The following TJP1 variants were observed in gnomAD, a reference collection of about 807,000 sequenced individuals.
The protein encoded by TJP1 is tight junction protein ZO-1.
A neutral mutation model predicts 194.2 loss-of-function variants in TJP1; 43 were observed. The ratio of observed to expected loss-of-function variants is 0.22; its 90% confidence interval spans 0.17 to 0.29. The LOEUF is 0.29. Ranked by LOEUF, TJP1 falls within the 10% of genes least tolerant of loss-of-function variation. The pLI is 1.00. For synonymous variants in TJP1, 801 were observed against 779.0 expected (o/e 1.03, Z -0.47); for missense variants, 1,971 against 2,185.7 (o/e 0.90, Z 1.96).
rs528091197 is a variant in TJP1 at position 29,732,980 on chromosome 15, C to T, written c.1736+114G>A. 3.5e-4 allele frequency: 457 copies of T among 1,288,358 alleles called. 5 individuals are homozygous for T. The South Asian group carries it at 6.4e-3, about 18-fold the overall frequency. The allele number at this position is 1,288,358 out of a possible 1,614,324, so 79.8% of individuals were successfully genotyped here. Reference sequence around the variant, plus strand: ...TGTAAACCTAAGTCAGTTATAGATACGTTGAATACAATGAAAAAGAATTCT... The same window carrying T: ...TGTAAACCTAAGTCAGTTATAGATATGTTGAATACAATGAAAAAGAATTCT... On this transcript the variant is annotated intron_variant, in intron 13 of 27. Transcript: ENST00000614355.
At chr15:29,928,505 A>T (rs183579513) in intron 2 of TJP1, among the ~76,000 whole-genome samples, 1 of 152,218 alleles carries the variant, frequency 6.6e-6, no homozygotes, top group Non-Finnish European at 1.5e-5. Flanking sequence ...CCTATGATGC[A>T]GTGACTCTAT....
At chr15:29,841,216 T>G (rs766237659) in intron 2 of TJP1, among the ~76,000 whole-genome samples, 15 of 152,088 alleles carry the variant, frequency 9.9e-5, no homozygotes, top group Non-Finnish European at 1.8e-4. Flanking sequence ...AGGCTAGGGT[T>G]CAAGCTGAAA....
At chr15:29,775,647 C>A (rs925963373) in intron 2 of TJP1, among the ~76,000 whole-genome samples, 14 of 152,100 alleles carry the variant, frequency 9.2e-5, no homozygotes, top group African/African-American at 3.4e-4. Flanking sequence ...ATACACTCAT[C>A]ATAATTCAAA....
rs558101530 is a variant in TJP1, at chr15:29,846,136, C to T, written c.307-45434G>A. On this transcript the variant is annotated intron_variant, in intron 2 of 28. Transcript: ENST00000356107. ...CCCCTCCAATGCATTCTCTACACTG[C>T]ACTCAACTGATCTTTAAGAGACCCA... is the stretch of plus-strand genomic sequence containing the variant. 3.3e-5 allele frequency among the ~76,000 whole-genome samples: 5 copies of T among 152,302 alleles called. No homozygotes were observed. In the South Asian group the frequency reaches 1.0e-3, roughly 32 times the overall value.
In TJP1 at chr15:29,860,011, G is replaced by T. The variant is rs531963696; in HGVS notation, c.307-59309C>A. Among the ~76,000 whole-genome samples, 5 of 152,146 alleles carry T rather than the reference G, an allele frequency of 3.3e-5. No individual in the cohort carries two copies. In the South Asian group the frequency reaches 1.0e-3, roughly 32 times the overall value. ...ACAGCTCTGAGGAACCGGGTTCAAA[G>T]CCACTTCCTCAAACAGGAGCTGTGG... On this transcript the variant is annotated intron_variant, in intron 2 of 28. Coordinates refer to the TJP1 transcript ENST00000356107.
intron 2 of TJP1, among the ~76,000 whole-genome samples, chr15:29,890,993 C>T (rs34201023): frequency 0.33 from 50,635 of 152,114 alleles, 8,947 homozygotes; most frequent in African/African-American, 0.45. Context: ...CAAGCTCTAC[C>T]TCCCTGCCAG....
chr15:29,748,373 T>C (rs2044956549), intron 8 of TJP1, among the ~76,000 whole-genome samples: 1 of 152,192 alleles, frequency 6.6e-6, no homozygotes, highest in South Asian at 2.1e-4. Flanking sequence ...TATGCAGATC[T>C]AGAGTTACAG....
chr15:29,925,335 C>A (rs1218195902), intron 2 of TJP1, among the ~76,000 whole-genome samples: 1 of 152,186 alleles, frequency 6.6e-6, no homozygotes, highest in African/African-American at 2.4e-5. Flanking sequence ...TGCTCTCCAG[C>A]CCAGGATCTG....
At chr15:29,821,932 G>T in intron 1 of TJP1, 70 bp downstream of exon 1, 1 of 1,187,144 alleles carries the variant, frequency 8.4e-7, no homozygotes, top group Non-Finnish European at 1.0e-6. Flanking sequence ...GGCGGGACGC[G>T]GGCCAGATGC....
At chr15:29,968,971 C>CCCGCCG (rs993835616), upstream of TJP1, 2 of 149,510 alleles carry the variant, frequency 1.3e-5, no homozygotes, top group Non-Finnish European at 2.9e-5. Context: ...CCCGGCCGCT[C>CCCGCCG]CCGCCGCCGC....
chr15:29,921,438 A>C (rs1281579166), intron 2 of TJP1, among the ~76,000 whole-genome samples: 1 of 152,130 alleles, frequency 6.6e-6, no homozygotes, highest in Admixed American at 6.6e-5. Context: ...CTTCCCTGCA[A>C]ACCTGCAGGG....
At chr15:29,733,014 C>T (rs1039853908) in intron 13 of TJP1, 80 bp downstream of exon 13, 6 of 1,484,042 alleles carry the variant, frequency 4.0e-6, no homozygotes, top group East Asian at 2.3e-5. Flanking sequence ...CTTTACATTA[C>T]CAAAATTTCC....
intron 15 of TJP1, chr15:29,728,715 A>AGGAAG (rs2043400949): frequency 6.6e-6 from 1 of 152,262 alleles, no homozygotes; most frequent in Non-Finnish European, 1.5e-5. Context: ...TTGAAAGGAA[A>AGGAAG]GGAAGAGCTT....
chr15:29,737,377 T>C lies in TJP1; in HGVS notation c.1294A>G (p.Ser432Gly). The stretch of plus-strand genomic sequence containing the variant: ...CCACCAGCCAGCCGCAAACCCACAC[T>C]ATCTCCTTTTCTGAATTTTACCAAT... Reference protein sequence around the residue: ...MKLVKFRKGDSVGLRLAGGND... With the variant: ...MKLVKFRKGDGVGLRLAGGND... Residue 432 changes from serine to glycine, a missense_variant, in exon 11 of 28, where the codon AGT becomes GGT. Ser to Gly is a moderately conservative substitution (Grantham distance 56). Coordinates refer to ENST00000614355, the MANE Select transcript of TJP1 (RefSeq NM_001330239.4). The C allele has an allele frequency of 6.2e-7, 1 of 1,614,194 alleles. No individual in the cohort carries two copies. The highest frequency in any genetic ancestry group is 1.3e-5 in the African/African-American group (1 of 75,052).
At chr15:29,782,894 CAAAAAAAAAAAA>C (rs34832565) in intron 2 of TJP1, among the ~76,000 whole-genome samples, 1 of 80,726 alleles carries the variant, frequency 1.2e-5, no homozygotes, top group East Asian at 3.8e-4. Context: ...AGACACTTTT[CAAAAAAAAAAAA>C]AAAAAAACAC....
chr15:29,717,115 G>A (rs539778948), intron 22 of TJP1, among the ~76,000 whole-genome samples: 1 of 152,300 alleles, frequency 6.6e-6, no homozygotes, highest in African/African-American at 2.4e-5. Context: ...GTTAGAAGTA[G>A]TTAATCAGAA....
At chr15:29,939,130 C>G (rs2054980556) in intron 2 of TJP1, among the ~76,000 whole-genome samples, 1 of 152,146 alleles carries the variant, frequency 6.6e-6, no homozygotes, top group Non-Finnish European at 1.5e-5. Context: ...CTGCATAATG[C>G]CTTATGTAAG....
intron 2 of TJP1, among the ~76,000 whole-genome samples, chr15:29,789,234 C>A (rs370624097): frequency 2.0e-5 from 3 of 151,960 alleles, no homozygotes; most frequent in African/African-American, 7.3e-5. Flanking sequence ...TGACTTTATT[C>A]GACATGGTTA....
intron 8 of TJP1, among the ~76,000 whole-genome samples, chr15:29,744,511 CA>C (rs1393576065): frequency 6.6e-6 from 1 of 151,906 alleles, no homozygotes; most frequent in Non-Finnish European, 1.5e-5. Flanking sequence ...TGTACCAAGA[CA>C]ATATATATTT....
Sources: allele counts gnomAD v4.1 joint callset (sites outside exome capture counted in the v4.1 genomes callset), GRCh38; gene constraint gnomAD v4.1.1; transcripts MANE v1.5; gene names NCBI Gene and HGNC (gene_info 2026-07-23, HGNC 2026-07-21).